The following PRR16 variants were observed in gnomAD, a reference collection of about 807,000 sequenced individuals.
The protein encoded by PRR16 is protein Largen.
Under a neutral mutation model 18.2 loss-of-function variants are expected in PRR16, and 6 were observed. The observed-to-expected ratio is 0.33, with a 90% CI of 0.18 to 0.65. The LOEUF (loss-of-function observed/expected upper bound fraction) is 0.65, where lower values mean the gene tolerates loss of function less well. Ranked by LOEUF, PRR16 falls within the 30% of genes least tolerant of loss-of-function variation. The pLI, the probability that PRR16 is intolerant of heterozygous loss-of-function variation, is 0.74. For synonymous variants in PRR16, 151 were observed against 147.8 expected, an observed-to-expected ratio of 1.02 and a Z score of -0.16; for missense variants, 412 against 376.6, an observed-to-expected ratio of 1.09 and a Z score of -0.78.
At chr5:120,491,736 G>T (rs957701004) in intron 1 of PRR16, among the ~76,000 whole-genome samples, 2 of 152,068 alleles carry the variant, frequency 1.3e-5, no homozygotes, top group African/African-American at 2.4e-5. Flanking sequence ...TAGAGACAGG[G>T]TTTCACCATG....
chr5:120,574,668 C>T (rs1031841178), intron 1 of PRR16, among the ~76,000 whole-genome samples: 1 of 148,702 alleles, frequency 6.7e-6, no homozygotes, highest in Non-Finnish European at 1.5e-5. Context: ...AAACAGTACT[C>T]AATTTCATTA....
chr5:120,489,688 T>G (rs1749952856), intron 1 of PRR16, among the ~76,000 whole-genome samples: 2 of 152,334 alleles, frequency 1.3e-5, no homozygotes, highest in South Asian at 4.1e-4. Context: ...GATTTGATCC[T>G]GTCATTATGA....
chr5:120,741,124 T>G, the PRR16 span, among the ~76,000 whole-genome samples: 1 of 152,008 alleles, frequency 6.6e-6, no homozygotes, highest in Non-Finnish European at 1.5e-5. Flanking sequence ...TATTTTAAAT[T>G]AAAAATTTTT....
chr5:120,584,712 C>G lies in PRR16; in HGVS notation c.160-101242C>G, dbSNP rs116953682. ...ATCAAACACTTAGTAATTTCCTCAA[C>G]CAGGAGTAATACTTCTGATTTCTAA... is the stretch of plus-strand genomic sequence containing the variant. On this transcript the variant is annotated intron_variant, in intron 1 of 1. Coordinates refer to ENST00000407149, the MANE Select transcript of PRR16 (RefSeq NM_001300783.2). Among the ~76,000 whole-genome samples, 4 of 152,098 alleles carry G rather than the reference C, an allele frequency of 2.6e-5. No individual in the cohort carries two copies. The South Asian group carries it at 8.3e-4, about 32-fold the overall frequency.
At chr5:120,650,370 C>T (rs1161155872) in intron 1 of PRR16, among the ~76,000 whole-genome samples, 1 of 150,396 alleles carries the variant, frequency 6.6e-6, no homozygotes, top group Non-Finnish European at 1.5e-5. Context: ...GGTACATGTG[C>T]ACAACATGCA....
intron 1 of PRR16, among the ~76,000 whole-genome samples, chr5:120,522,535 G>C (rs1410224070): frequency 6.6e-6 from 1 of 152,134 alleles, no homozygotes; most frequent in Admixed American, 6.6e-5. Flanking sequence ...CTTTTTTCTT[G>C]TAAATTTGTT....
chr5:120,555,711 C>T (rs1404207891), intron 1 of PRR16, among the ~76,000 whole-genome samples: 1 of 151,356 alleles, frequency 6.6e-6, no homozygotes, highest in Non-Finnish European at 1.5e-5. Flanking sequence ...AGGACACAAA[C>T]ATTTAGTCCA....
At chr5:120,673,430 C>T (rs1756683220) in intron 1 of PRR16, among the ~76,000 whole-genome samples, 1 of 152,174 alleles carries the variant, frequency 6.6e-6, no homozygotes, top group South Asian at 2.1e-4. Flanking sequence ...TTAAAAAGCA[C>T]ATAAACATCT....
At chr5:120,705,025 T>C in the PRR16 span, among the ~76,000 whole-genome samples, 1 of 152,048 alleles carries the variant, frequency 6.6e-6, no homozygotes, top group Non-Finnish European at 1.5e-5. Context: ...ATGACTTCCA[T>C]GCATTACTTT....
At chr5:120,610,202 A>G (rs900244472) in intron 1 of PRR16, among the ~76,000 whole-genome samples, 1 of 152,152 alleles carries the variant, frequency 6.6e-6, no homozygotes, top group Non-Finnish European at 1.5e-5. Context: ...CTGGTCCAAA[A>G]TTAAATACTG....
chr5:120,534,891 A>C (rs572208082), intron 1 of PRR16, among the ~76,000 whole-genome samples: 2 of 152,324 alleles, frequency 1.3e-5, no homozygotes, highest in African/African-American at 4.8e-5. Flanking sequence ...TTTTCTTGGT[A>C]GTTGAAGTGT....
chr5:120,711,601 T>A, the PRR16 span, among the ~76,000 whole-genome samples: 1 of 152,352 alleles, frequency 6.6e-6, no homozygotes, highest in Non-Finnish European at 1.5e-5. Context: ...ATATGCGATC[T>A]GGGCCATATA....
At chr5:120,718,307 T>A in the PRR16 span, among the ~76,000 whole-genome samples, 1 of 152,082 alleles carries the variant, frequency 6.6e-6, no homozygotes, top group Admixed American at 6.6e-5. Flanking sequence ...ATATACTGGC[T>A]TAAACATAGA....
intron 1 of PRR16, among the ~76,000 whole-genome samples, chr5:120,558,509 G>A (rs961131515): frequency 3.3e-5 from 5 of 151,936 alleles, no homozygotes; most frequent in African/African-American, 7.2e-5. Flanking sequence ...ATAGTACTCC[G>A]TTGTGTATAA....
At chr5:120,513,298 G>A (rs300959) in intron 1 of PRR16, among the ~76,000 whole-genome samples, 150,964 of 152,338 alleles carry the variant, frequency 0.99, 74,818 homozygotes, top group East Asian at 1. Context: ...GCTACCTGCA[G>A]GTAATCATGT....
chr5:120,773,608 A>G, the PRR16 span, among the ~76,000 whole-genome samples: 1 of 152,038 alleles, frequency 6.6e-6, no homozygotes, highest in Non-Finnish European at 1.5e-5. Flanking sequence ...ATGGTCAACT[A>G]CTTAACTAAA....
chr5:120,559,142 T>C (rs1227383170), intron 1 of PRR16, among the ~76,000 whole-genome samples: 2 of 151,930 alleles, frequency 1.3e-5, no homozygotes, highest in Non-Finnish European at 2.9e-5. Context: ...GATTGTTTCT[T>C]TTTAAGTTGA....
At chr5:120,786,554 CAT>C in the PRR16 span, among the ~76,000 whole-genome samples, 10 of 147,650 alleles carry the variant, frequency 6.8e-5, no homozygotes, top group East Asian at 2.0e-4. Flanking sequence ...AATTAAGTAT[CAT>C]ATATTTTATA....
At chr5:120,715,131 C>G in the PRR16 span, among the ~76,000 whole-genome samples, 6 of 151,962 alleles carry the variant, frequency 3.9e-5, no homozygotes, top group African/African-American at 1.5e-4. Context: ...GTAGCCATAG[C>G]CAAGGTCATC....
Sources: gnomAD v4.1 joint callset for allele counts (sites outside exome capture counted in the v4.1 genomes callset) on GRCh38, gnomAD v4.1.1 for gene constraint, MANE v1.5 for transcripts, NCBI Gene and HGNC (gene_info 2026-07-23, HGNC 2026-07-21) for gene names.